CNTN5: variants seen among roughly 807,000 people sequenced by gnomAD.
The protein encoded by CNTN5 is contactin 5, also known as contactin-5.
Under a neutral mutation model 129.1 loss-of-function variants are expected in CNTN5, and 77 were observed. That is an observed-to-expected ratio of 0.60 (90% CI 0.50 to 0.72). CNTN5 has a LOEUF of 0.72. Ranked by LOEUF, CNTN5 falls within the 30% of genes least tolerant of loss-of-function variation. The pLI is 0.00. For missense variants in CNTN5, 1,478 were observed against 1,328.8 expected, an observed-to-expected ratio of 1.11 and a Z score of -1.75; for synonymous variants, 509 against 465.6, an observed-to-expected ratio of 1.09 and a Z score of -1.20.
intron 6 of CNTN5, among the ~76,000 whole-genome samples, chr11:99,902,720 T>C (rs891425199): frequency 1.3e-5 from 2 of 152,196 alleles, no homozygotes; most frequent in African/African-American, 4.8e-5. Context: ...TAAATGATTT[T>C]AAATACCCTT....
At chr11:99,378,860 A>G (rs1940347534) in intron 2 of CNTN5, among the ~76,000 whole-genome samples, 1 of 152,128 alleles carries the variant, frequency 6.6e-6, no homozygotes, top group Non-Finnish European at 1.5e-5. Context: ...ACATATTATA[A>G]TAGTTGCTTT....
intron 1 of CNTN5, among the ~76,000 whole-genome samples, chr11:99,117,379 C>G (rs757080048): frequency 6.6e-6 from 1 of 152,058 alleles, no homozygotes; most frequent in Non-Finnish European, 1.5e-5. Flanking sequence ...ACTGTCCTAC[C>G]CAAGGATGAC....
intron 3 of CNTN5, among the ~76,000 whole-genome samples, chr11:99,775,679 G>GCT (rs749922655): frequency 6.6e-6 from 1 of 151,882 alleles, no homozygotes; most frequent in African/African-American, 2.4e-5. Context: ...TGTATCACAT[G>GCT]CTCTCTCTCT....
chr11:99,835,164 A>G (rs1947263285), intron 4 of CNTN5, among the ~76,000 whole-genome samples: 1 of 152,188 alleles, frequency 6.6e-6, no homozygotes, highest in South Asian at 2.1e-4. Flanking sequence ...CAGTACCATC[A>G]CTACCTAAAA....
At chr11:99,686,979 C>T (rs887677831) in intron 3 of CNTN5, among the ~76,000 whole-genome samples, 1 of 152,130 alleles carries the variant, frequency 6.6e-6, no homozygotes, top group East Asian at 1.9e-4. Flanking sequence ...ATTATTTCTG[C>T]TCAGACTCTC....
chr11:99,620,915 ATACTT>A (rs796987634), intron 3 of CNTN5, among the ~76,000 whole-genome samples: 6 of 128,884 alleles, frequency 4.7e-5, no homozygotes, highest in African/African-American at 7.9e-5. Flanking sequence ...GCATCTAACT[ATACTT>A]AGAATTTTTT....
chr11:99,086,763 G>A (rs1367986694), intron 1 of CNTN5, among the ~76,000 whole-genome samples: 1 of 152,152 alleles, frequency 6.6e-6, no homozygotes, highest in Non-Finnish European at 1.5e-5. Context: ...AACAATCAAG[G>A]TGGAGTCTAA....
At chr11:99,372,632 G>C (rs1233069451) in intron 2 of CNTN5, among the ~76,000 whole-genome samples, 1 of 152,076 alleles carries the variant, frequency 6.6e-6, no homozygotes, top group Non-Finnish European at 1.5e-5. Flanking sequence ...AAAAAGCTTG[G>C]CTGGAAATCA....
In CNTN5 at chr11:99,876,963, A is replaced by G. The variant is rs1948647972; in HGVS notation, c.577+31701A>G. ...GTTTCTTTTATTCTTTTATTCTTTT[A>G]AATGATTTTCTCTGTAGAAGTGAGT... On this transcript the variant is annotated intron_variant, in intron 6 of 24. Transcript: ENST00000524871. Among the ~76,000 whole-genome samples the G allele has an allele frequency of 1.3e-5, 2 of 152,144 alleles. 1 individual carries two copies. The highest frequency in any genetic ancestry group is 4.1e-4 in the South Asian group (2 of 4,828).
Position 99,688,309 on chromosome 11 carries a change from T to G in CNTN5, c.56-131235T>G, listed in dbSNP as rs1351741244. Reference sequence around the variant, plus strand: ...TTCCCATCTCGGTCTCCCAAAGTGCTGGGATTACAGGTGTGAAGCCATCAT... The same window carrying G: ...TTCCCATCTCGGTCTCCCAAAGTGCGGGGATTACAGGTGTGAAGCCATCAT... On this transcript the variant is annotated intron_variant, in intron 3 of 24. Coordinates refer to ENST00000524871, the MANE Select transcript of CNTN5 (RefSeq NM_014361.4). Among the ~76,000 whole-genome samples, 4 of 152,180 alleles carry G rather than the reference T, an allele frequency of 2.6e-5. No homozygotes were observed. The East Asian group carries it at 7.7e-4, about 29-fold the overall frequency.
intron 1 of CNTN5, among the ~76,000 whole-genome samples, chr11:99,052,985 C>T (rs1244823349): frequency 2.0e-5 from 3 of 151,806 alleles, no homozygotes; most frequent in Admixed American, 6.6e-5. Flanking sequence ...GAAATCTCAG[C>T]TCCAGAGCTT....
intron 2 of CNTN5, among the ~76,000 whole-genome samples, chr11:99,439,701 C>CT (rs1943743667): frequency 1.4e-5 from 1 of 70,640 alleles, no homozygotes; most frequent in Non-Finnish European, 2.5e-5. Flanking sequence ...GAGCAAGACT[C>CT]TGTCTCAAAA....
At chr11:100,106,073 C>A (rs924437757) in intron 13 of CNTN5, among the ~76,000 whole-genome samples, 3 of 152,160 alleles carry the variant, frequency 2.0e-5, no homozygotes, top group Admixed American at 1.3e-4. Flanking sequence ...AAAGTTCAAA[C>A]CAGTGCTGCT....
chr11:99,243,742 T>TA (rs1861681686), intron 1 of CNTN5, among the ~76,000 whole-genome samples: 1 of 150,920 alleles, frequency 6.6e-6, no homozygotes. Flanking sequence ...GCTTATTTTT[T>TA]TTTTTTTTTT....
At chr11:99,819,242 A>C (rs920594194) in intron 3 of CNTN5, among the ~76,000 whole-genome samples, 1 of 135,680 alleles carries the variant, frequency 7.4e-6, no homozygotes, top group Non-Finnish European at 1.6e-5. Flanking sequence ...CTCTCTCTCT[A>C]CTTGCTTTCT....
chr11:99,898,151 G>A (rs1949258258), intron 6 of CNTN5, among the ~76,000 whole-genome samples: 1 of 151,896 alleles, frequency 6.6e-6, no homozygotes, highest in South Asian at 2.1e-4. Context: ...ATGTAATGCT[G>A]CATCTCAAAG....
intron 16 of CNTN5, among the ~76,000 whole-genome samples, chr11:100,248,821 C>T (rs1949901959): frequency 6.6e-6 from 1 of 152,136 alleles, no homozygotes; most frequent in Non-Finnish European, 1.5e-5. Flanking sequence ...AAGGACTCTA[C>T]AGCCTGGCAC....
chr11:99,666,367 T>G (rs2135932880), intron 3 of CNTN5, among the ~76,000 whole-genome samples: 1 of 152,308 alleles, frequency 6.6e-6, no homozygotes, highest in Middle Eastern at 3.4e-3. Context: ...GGTCTCTTCT[T>G]GACTTTTTAG....
chr11:99,515,498 T>C (rs2135422987), intron 2 of CNTN5, among the ~76,000 whole-genome samples: 1 of 152,198 alleles, frequency 6.6e-6, no homozygotes, highest in South Asian at 2.1e-4. Context: ...TTGTATTTCA[T>C]GCCTGCGTTG....
Sources: allele counts gnomAD v4.1 joint callset (sites outside exome capture counted in the v4.1 genomes callset), GRCh38; gene constraint gnomAD v4.1.1; transcripts MANE v1.5; gene names NCBI Gene and HGNC (gene_info 2026-07-23, HGNC 2026-07-21).